The following LRRC8B variants were observed in gnomAD, a reference collection of about 807,000 sequenced individuals.
The protein encoded by LRRC8B is leucine rich repeat containing 8 VRAC subunit B, also known as volume-regulated anion channel subunit LRRC8B.
In LRRC8B, 23 loss-of-function variants were observed where a neutral mutation model predicts 58.8. The observed-to-expected ratio is 0.39, with a 90% CI of 0.28 to 0.55. LRRC8B has a LOEUF of 0.55. LRRC8B is among the 20% of genes least tolerant of loss of function. LRRC8B has a pLI of 0.62. For missense variants in LRRC8B, 694 were observed against 936.0 expected, an observed-to-expected ratio of 0.74 and a Z score of 3.37; for synonymous variants, 359 against 374.1, an observed-to-expected ratio of 0.96 and a Z score of 0.47.
chr1:89,584,730 A>T lies in LRRC8B; in HGVS notation c.2080A>T (p.Ile694Phe). ...LDLSYNHLTF[I>F]PEEIQYLSNL... Reference sequence around the variant, plus strand: ...TCTAAGCTATAACCACTTGACCTTCATTCCAGAAGAAATCCAGTATCTGAG... The same window carrying T: ...TCTAAGCTATAACCACTTGACCTTCTTTCCAGAAGAAATCCAGTATCTGAG... The change falls in exon 5 of 6, where the codon ATT becomes TTT. Residue 694 changes from isoleucine to phenylalanine, a missense_variant. Physicochemically the swap from Ile to Phe is conservative, Grantham distance 21. This residue lies in a region of LRRC8B where 139 missense variants were observed against 158.2 expected (regional missense o/e 0.88). Coordinates refer to ENST00000330947, the MANE Select transcript of LRRC8B (RefSeq NM_001369817.2). The T allele has an allele frequency of 6.2e-7, 1 of 1,612,648 alleles. No individual in the cohort carries two copies. Among genetic ancestry groups the T allele is most frequent in the Non-Finnish European group, 8.5e-7 (1 of 1,179,594 alleles).
At chr1:89,559,629 T>TATACACAC (rs1163883237) in intron 1 of LRRC8B, among the ~76,000 whole-genome samples, 6 of 137,516 alleles carry the variant, frequency 4.4e-5, no homozygotes, top group African/African-American at 1.6e-4. Context: ...TATATATATA[T>TATACACAC]ACACACACAC....
intron 1 of LRRC8B, among the ~76,000 whole-genome samples, chr1:89,550,297 C>A (rs868463391): frequency 9.9e-5 from 15 of 152,154 alleles, no homozygotes; most frequent in Non-Finnish European, 1.3e-4. Context: ...GATCTCCTCC[C>A]TATGTGTATT....
intron 1 of LRRC8B, among the ~76,000 whole-genome samples, chr1:89,540,160 TA>T (rs1650849561): frequency 6.6e-6 from 1 of 152,208 alleles, no homozygotes; most frequent in Non-Finnish European, 1.5e-5. Context: ...TTAAGTTTAT[TA>T]TTTTTTAAGT....
rs1246823737 is a variant in LRRC8B, at chr1:89,583,493, C to G, written c.843C>G (p.Thr281=). 9 of 1,613,620 alleles carry G rather than the reference C, an allele frequency of 5.6e-6. No individual in the cohort carries two copies. The Admixed American group carries it at 1.5e-4, about 27-fold the overall frequency. The part of the protein sequence containing the change: ...LIITYVPYFL[T]HITLEIDCSV... Reference sequence around the variant, plus strand: ...TAACTTATGTTCCATATTTTTTAACCCACATCACTCTTGAAATCGACTGTT... The same window carrying G: ...TAACTTATGTTCCATATTTTTTAACGCACATCACTCTTGAAATCGACTGTT... Residue 281 remains threonine (T), a synonymous_variant, in exon 5 of 6, where the codon ACC becomes ACG. Coordinates refer to ENST00000330947, the MANE Select transcript of LRRC8B (RefSeq NM_001369817.2). This position sits in a 1 kb window ranked among gnomAD's most constrained non-coding sequence, Gnocchi z 5.2.
chr1:89,540,620 C>T (rs539736836), intron 1 of LRRC8B, among the ~76,000 whole-genome samples: 3 of 152,256 alleles, frequency 2.0e-5, no homozygotes, highest in Admixed American at 2.0e-4. Context: ...CAGGGGTGAG[C>T]TTGGAGATAC....
intron 3 of LRRC8B, among the ~76,000 whole-genome samples, chr1:89,574,006 T>G (rs1308940797): frequency 6.6e-6 from 1 of 152,242 alleles, no homozygotes; most frequent in East Asian, 1.9e-4. Context: ...AAGAGACTTG[T>G]AGCATCTGCT....
chr1:89,586,200 C>T (rs1327702918), intron 5 of LRRC8B, among the ~76,000 whole-genome samples: 5 of 152,186 alleles, frequency 3.3e-5, no homozygotes, highest in Non-Finnish European at 7.3e-5. Flanking sequence ...GTTTCCGATT[C>T]AGTAGGCCAG....
intron 1 of LRRC8B, among the ~76,000 whole-genome samples, chr1:89,558,008 T>G (rs934365263): frequency 3.9e-5 from 6 of 151,938 alleles, no homozygotes; most frequent in Middle Eastern, 3.4e-3. Flanking sequence ...ACCAGTGAAG[T>G]ATAGATAGAA....
chr1:89,579,852 C>T (rs960793261), intron 4 of LRRC8B, among the ~76,000 whole-genome samples, 164 bp downstream of exon 4: 3 of 152,128 alleles, frequency 2.0e-5, no homozygotes, highest in African/African-American at 7.2e-5. Context: ...ATTCTCAGGA[C>T]CTTTGAGAGG....
In LRRC8B at chr1:89,584,687, T is replaced by G; in HGVS notation, c.2037T>G (p.Thr679=). The change falls in exon 5 of 6, where the codon ACT becomes ACG. Residue 679 remains threonine, a synonymous_variant. Coordinates refer to ENST00000330947, the MANE Select transcript of LRRC8B (RefSeq NM_001369817.2). ...ENLPLQLFLC[T]KLHYLDLSYN... ...TGCCCTTGCAGCTTTTCCTATGCAC[T>G]AAACTACATTATTTGGATCTAAGCT... 1 of 1,613,940 alleles carries G rather than the reference T, an allele frequency of 6.2e-7. No individual in the cohort carries two copies. Among genetic ancestry groups the G allele is most frequent in the Non-Finnish European group, 8.5e-7 (1 of 1,179,930 alleles).
chr1:89,524,982 C>T lies in LRRC8B; in HGVS notation c.-281C>T, dbSNP rs1048700905. On this transcript the variant is annotated 5_prime_UTR_variant, in exon 1 of 6. The change creates a new upstream start codon in the 5' untranslated region. Coordinates refer to ENST00000330947, the MANE Select transcript of LRRC8B (RefSeq NM_001369817.2). ...GCCCGCCCGGAGCGGCCCAGGAGCACGCCGCGGGGAGCGCGGGCGTCCGGG... is the reference window on the plus strand; with the variant it reads ...GCCCGCCCGGAGCGGCCCAGGAGCATGCCGCGGGGAGCGCGGGCGTCCGGG... 2.6e-5 allele frequency: 4 copies of T among 152,102 alleles called. No homozygotes were observed. Among genetic ancestry groups the T allele is most frequent in the African/African-American group, 9.7e-5 (4 of 41,428 alleles). 9.4% of individuals were successfully genotyped at this position (152,102 alleles called of 1,614,324 possible).
intron 5 of LRRC8B, among the ~76,000 whole-genome samples, chr1:89,590,559 T>G (rs1437898742): frequency 6.6e-6 from 1 of 152,212 alleles, no homozygotes; most frequent in African/African-American, 2.4e-5. Flanking sequence ...CCTTGGGAAA[T>G]CCCTCTCTTC....
intron 1 of LRRC8B, among the ~76,000 whole-genome samples, chr1:89,555,896 C>G (rs1450579649): frequency 3.3e-5 from 5 of 152,168 alleles, no homozygotes; most frequent in African/African-American, 1.2e-4. Flanking sequence ...GCCTTTGCCC[C>G]CATGTCACAT....
chr1:89,593,330 T>C lies in LRRC8B; in HGVS notation c.*287T>C, dbSNP rs574950241. On this transcript the variant is annotated 3_prime_UTR_variant, in exon 6 of 6. Coordinates refer to ENST00000330947, the MANE Select transcript of LRRC8B (RefSeq NM_001369817.2). Reference sequence around the variant, plus strand: ...AGGTGGAGGTTGCAGTGAGCCGAGATTGTGCCACTGTACACCAGCCTGGGT... The same window carrying C: ...AGGTGGAGGTTGCAGTGAGCCGAGACTGTGCCACTGTACACCAGCCTGGGT... The C allele has an allele frequency of 9.9e-6, 3 of 302,550 alleles. No individual in the cohort carries two copies. In the South Asian group the frequency reaches 1.7e-4, roughly 17 times the overall value. The allele number at this position is 302,550 out of a possible 1,614,324, so 18.7% of individuals were successfully genotyped here. A position where few individuals can be genotyped will look rare whatever the true frequency, so the allele number is the denominator to read the frequency against.
rs138205984 is a variant in LRRC8B, at chr1:89,539,982, C to T, written c.-241+14960C>T. The stretch of plus-strand genomic sequence containing the variant: ...GCAGATATTGTGAAAGTTAGCTTTC[C>T]ATAAGATCCAGGAGAAATTTTCCAT... On this transcript the variant is annotated intron_variant, in intron 1 of 5. Transcript: ENST00000330947. Among the ~76,000 whole-genome samples the T allele has an allele frequency of 1.8e-3, 279 of 152,188 alleles. 3 individuals carry two copies. Among genetic ancestry groups the T allele is most frequent in the African/African-American group, 6.3e-3 (260 of 41,504 alleles).
intron 5 of LRRC8B, among the ~76,000 whole-genome samples, chr1:89,590,550 C>T (rs963255753): frequency 2.6e-5 from 4 of 152,244 alleles, no homozygotes; most frequent in African/African-American, 9.6e-5. Flanking sequence ...CTCCCACTAC[C>T]TTGGGAAATC....
At chr1:89,529,035 A>G (rs1649911992) in intron 1 of LRRC8B, among the ~76,000 whole-genome samples, 2 of 152,208 alleles carry the variant, frequency 1.3e-5, no homozygotes, top group Non-Finnish European at 2.9e-5. Flanking sequence ...TCCTTAGAAA[A>G]AAGTGGGGAA....
intron 3 of LRRC8B, among the ~76,000 whole-genome samples, chr1:89,576,765 G>T (rs1470445420): frequency 1.3e-5 from 2 of 152,134 alleles, no homozygotes; most frequent in African/African-American, 4.8e-5. Flanking sequence ...AAGCATGTTT[G>T]TTATTTGAAA....
At chr1:89,577,111 A>G (rs540649795) in intron 3 of LRRC8B, among the ~76,000 whole-genome samples, 1 of 152,338 alleles carries the variant, frequency 6.6e-6, no homozygotes, top group Admixed American at 6.5e-5. Flanking sequence ...CAATGAGAGT[A>G]GTGTAGAGAA....
Sources: allele counts gnomAD v4.1 joint callset (sites outside exome capture counted in the v4.1 genomes callset), GRCh38; gene constraint gnomAD v4.1.1; regional missense constraint gnomAD v4.1.1; non-coding constraint Gnocchi (gnomAD v3.1); transcripts MANE v1.5; gene names NCBI Gene and HGNC (gene_info 2026-07-23, HGNC 2026-07-21).